LRMDA: variants seen among roughly 807,000 people sequenced by gnomAD.
The protein encoded by LRMDA is leucine-rich melanocyte differentiation-associated protein.
In LRMDA, 18 loss-of-function variants were observed where a neutral mutation model predicts 29.8. The ratio of observed to expected loss-of-function variants is 0.60; its 90% CI spans 0.42 to 0.90. The LOEUF (loss-of-function observed/expected upper bound fraction) is 0.90. LRMDA is among the 40% of genes least tolerant of loss of function. LRMDA has a pLI of 0.00. For missense variants in LRMDA, 273 were observed against 273.9 expected (o/e 1.00, Z 0.02); for synonymous variants, 125 against 109.4 (o/e 1.14, Z -0.89).
intron 6 of LRMDA, among the ~76,000 whole-genome samples, chr10:76,485,744 A>G (rs1362568559): frequency 6.6e-6 from 1 of 151,642 alleles, no homozygotes; most frequent in African/African-American, 2.4e-5. Context: ...TTTCTTCCTT[A>G]CTATTGAAGG....
At chr10:76,347,558 G>T (rs1188220845) in intron 6 of LRMDA, among the ~76,000 whole-genome samples, 1 of 152,138 alleles carries the variant, frequency 6.6e-6, no homozygotes, top group African/African-American at 2.4e-5. Flanking sequence ...CACCCGCTGA[G>T]AGCAAAACAT....
At position 76,197,752 on chromosome 10, in the gene LRMDA, C is replaced by G. The variant is rs534687098; in HGVS notation, c.517-126649C>G. ...TGGTCAATATAGTGAAACCCCATCT[C>G]TACTAAAAAATACAAAAATTAGCCG... On this transcript the variant is annotated intron_variant, in intron 5 of 6. Transcript: ENST00000611255. Among the ~76,000 whole-genome samples, 3 of 145,214 alleles carry G rather than the reference C, an allele frequency of 2.1e-5. No homozygotes were observed. In the Admixed American group the frequency reaches 2.1e-4, roughly 10 times the overall value.
At chr10:75,985,187 G>A (rs1355493927) in intron 2 of LRMDA, among the ~76,000 whole-genome samples, 2 of 152,114 alleles carry the variant, frequency 1.3e-5, no homozygotes, top group African/African-American at 2.4e-5. Context: ...AAGGAAGTGA[G>A]TAGGAAAAGT....
At chr10:75,863,238 G>T (rs1395981214) in intron 2 of LRMDA, among the ~76,000 whole-genome samples, 2 of 152,278 alleles carry the variant, frequency 1.3e-5, no homozygotes, top group South Asian at 4.2e-4. Context: ...TAGCGTTGGG[G>T]GGAGGGGAAG....
intron 6 of LRMDA, among the ~76,000 whole-genome samples, chr10:76,369,031 T>C (rs1488701496): frequency 3.3e-5 from 5 of 152,206 alleles, no homozygotes; most frequent in African/African-American, 1.2e-4. Context: ...AGCAGATAGT[T>C]GGTTGCTGGG....
At chr10:76,238,753 T>G (rs771734259) in intron 5 of LRMDA, among the ~76,000 whole-genome samples, 1 of 151,874 alleles carries the variant, frequency 6.6e-6, no homozygotes, top group Non-Finnish European at 1.5e-5. Context: ...ATAGCTAACA[T>G]TTATTGAATG....
chr10:76,183,716 T>G (rs1335317925), intron 5 of LRMDA, among the ~76,000 whole-genome samples: 1 of 152,208 alleles, frequency 6.6e-6, no homozygotes, highest in Non-Finnish European at 1.5e-5. Flanking sequence ...TGCATCATTT[T>G]ATTTTATTTC....
chr10:76,326,985 G>A (rs1363581825), intron 6 of LRMDA, among the ~76,000 whole-genome samples: 2 of 151,938 alleles, frequency 1.3e-5, no homozygotes, highest in Admixed American at 6.6e-5. Flanking sequence ...CTATCTTCTA[G>A]GTGCAATTGT....
intron 4 of LRMDA, among the ~76,000 whole-genome samples, chr10:76,047,837 C>A (rs1848465666): frequency 6.6e-6 from 1 of 152,224 alleles, no homozygotes; most frequent in African/African-American, 2.4e-5. Flanking sequence ...GGAAGTCCCA[C>A]AGGCCCATAC....
intron 2 of LRMDA, among the ~76,000 whole-genome samples, chr10:75,892,951 A>G (rs138952153): frequency 1.8e-4 from 27 of 152,324 alleles, no homozygotes; most frequent in African/African-American, 4.6e-4. Flanking sequence ...ACTGAGCAGC[A>G]TAGACTTTTG....
At chr10:75,896,853 G>A (rs1845591386) in intron 2 of LRMDA, among the ~76,000 whole-genome samples, 1 of 151,774 alleles carries the variant, frequency 6.6e-6, no homozygotes, top group Non-Finnish European at 1.5e-5. Flanking sequence ...GTGTGTGTGT[G>A]TGTGTGTGTG....
chr10:75,444,045 T>A (rs1222961146), intron 2 of LRMDA, among the ~76,000 whole-genome samples: 1 of 152,232 alleles, frequency 6.6e-6, no homozygotes, highest in African/African-American at 2.4e-5. Context: ...ATAAAAGAGA[T>A]AGTTCTGCTG....
At chr10:75,455,096 T>C (rs1329864723) in intron 2 of LRMDA, among the ~76,000 whole-genome samples, 1 of 152,194 alleles carries the variant, frequency 6.6e-6, no homozygotes, top group Non-Finnish European at 1.5e-5. Flanking sequence ...ACGGGACCCC[T>C]CCTTGGAGGC....
intron 2 of LRMDA, among the ~76,000 whole-genome samples, chr10:75,623,488 G>T (rs1304576411): frequency 6.6e-6 from 1 of 152,206 alleles, no homozygotes; most frequent in Non-Finnish European, 1.5e-5. Flanking sequence ...TCTGCACACA[G>T]CTCAAGCCAC....
chr10:76,372,922 G>T (rs898152729), intron 6 of LRMDA, among the ~76,000 whole-genome samples: 23 of 152,136 alleles, frequency 1.5e-4, no homozygotes, highest in Non-Finnish European at 2.9e-4. Flanking sequence ...ATGGAACACT[G>T]CTTCAGAAAA....
At chr10:75,973,033 GCA>G (rs1847006556) in intron 2 of LRMDA, among the ~76,000 whole-genome samples, 1 of 117,792 alleles carries the variant, frequency 8.5e-6, no homozygotes, top group Admixed American at 7.4e-5. Flanking sequence ...AGCAGCAGCA[GCA>G]GCAGCAGCAG....
intron 2 of LRMDA, among the ~76,000 whole-genome samples, chr10:75,911,175 G>T (rs1845837255): frequency 6.6e-6 from 1 of 152,116 alleles, no homozygotes; most frequent in Non-Finnish European, 1.5e-5. Flanking sequence ...GGCAAGAAAA[G>T]CTGGCTTGTC....
At chr10:75,572,150 C>T (rs1840444978) in intron 2 of LRMDA, among the ~76,000 whole-genome samples, 1 of 152,080 alleles carries the variant, frequency 6.6e-6, no homozygotes, top group African/African-American at 2.4e-5. Context: ...GACGGGGTTT[C>T]ACCATGTTGG....
chr10:75,687,318 G>T (rs1361868336), intron 2 of LRMDA, among the ~76,000 whole-genome samples: 2 of 152,218 alleles, frequency 1.3e-5, no homozygotes, highest in East Asian at 1.9e-4. Context: ...AATTCAAAGT[G>T]CTACTCCAGT....
Sources: gnomAD v4.1 joint callset for allele counts (sites outside exome capture counted in the v4.1 genomes callset) on GRCh38, gnomAD v4.1.1 for gene constraint, MANE v1.5 for transcripts, NCBI Gene and HGNC (gene_info 2026-07-23, HGNC 2026-07-21) for gene names.